The following COL24A1 variants were observed in gnomAD, a reference collection of about 807,000 sequenced individuals.
The protein encoded by COL24A1 is collagen type XXIV alpha 1 chain, also known as collagen alpha-1(XXIV) chain.
Under a neutral mutation model 253.9 loss-of-function variants are expected in COL24A1, and 224 were observed. The ratio of observed to expected loss-of-function variants is 0.88; its 90% confidence interval spans 0.79 to 0.99. The LOEUF is 0.99. COL24A1 is among the 50% of genes least tolerant of loss of function. The probability of loss-of-function intolerance (pLI) is 0.00; values close to 1 mark genes in which losing one functional copy is unlikely to be tolerated. For synonymous variants in COL24A1, 685 were observed against 673.7 expected, an observed-to-expected ratio of 1.02 and a Z score of -0.26; for missense variants, 2,131 against 2,068.5, an observed-to-expected ratio of 1.03 and a Z score of -0.59.
At chr1:85,821,050 T>C (rs1673577530) in intron 45 of COL24A1, among the ~76,000 whole-genome samples, 1 of 152,220 alleles carries the variant, frequency 6.6e-6, no homozygotes, top group African/African-American at 2.4e-5. Flanking sequence ...TTATTCTTTC[T>C]TTTTTCACCA....
chr1:85,965,119 G>C, intron 22 of COL24A1, 57 bp from the exon 23 acceptor site: 3 of 1,364,286 alleles, frequency 2.2e-6, no homozygotes, highest in Middle Eastern at 3.7e-4. Flanking sequence ...TCTCATTTTT[G>C]AAAGTTTCCT....
At chr1:86,040,583 G>A (rs1301319516) in intron 12 of COL24A1, among the ~76,000 whole-genome samples, 2 of 150,460 alleles carry the variant, frequency 1.3e-5, no homozygotes, top group African/African-American at 2.4e-5. Flanking sequence ...GTTCTGCCTG[G>A]ACTTCCTCCA....
intron 47 of COL24A1, among the ~76,000 whole-genome samples, chr1:85,808,280 G>T (rs919169457): frequency 1.3e-5 from 2 of 152,198 alleles, no homozygotes; most frequent in Non-Finnish European, 2.9e-5. Context: ...TTTTACTCAT[G>T]TGTTTGGCTA....
intron 58 of COL24A1, chr1:85,736,332 A>G (rs1436710678): frequency 2.6e-5 from 12 of 456,108 alleles, no homozygotes; most frequent in Non-Finnish European, 5.3e-5. Flanking sequence ...GGTCATGGAA[A>G]CAACTAGAGT....
At chr1:85,783,714 C>A (rs546455663) in intron 50 of COL24A1, among the ~76,000 whole-genome samples, 156 bp from the exon 51 acceptor site, 4 of 152,228 alleles carry the variant, frequency 2.6e-5, no homozygotes, top group African/African-American at 9.6e-5. Flanking sequence ...CTGAGGCCTA[C>A]AATTTACTTA....
At chr1:85,773,353 G>A (rs989255187) in intron 53 of COL24A1, among the ~76,000 whole-genome samples, 21 of 152,126 alleles carry the variant, frequency 1.4e-4, no homozygotes, top group Non-Finnish European at 2.8e-4. Context: ...GGCTATGTGG[G>A]CTCTTTTTTG....
At chr1:86,035,699 C>G (rs1477239836) in intron 12 of COL24A1, among the ~76,000 whole-genome samples, 1 of 152,056 alleles carries the variant, frequency 6.6e-6, no homozygotes, top group African/African-American at 2.4e-5. Context: ...AAATTATATA[C>G]TTTAAAGGTG....
intron 53 of COL24A1, among the ~76,000 whole-genome samples, chr1:85,774,815 A>G (rs1490302397): frequency 6.6e-6 from 1 of 152,144 alleles, no homozygotes; most frequent in African/African-American, 2.4e-5. Context: ...ATCGCTTCAA[A>G]ATACCAGCTC....
chr1:85,866,850 C>A (rs1342573116), intron 37 of COL24A1, among the ~76,000 whole-genome samples: 1 of 152,136 alleles, frequency 6.6e-6, no homozygotes, highest in Admixed American at 6.6e-5. Flanking sequence ...ACACCCATCA[C>A]AGTTCTCCAG....
rs370701120 is a variant in COL24A1 at position 85,978,311 on chromosome 1, C to CA, written c.2365-6919dup. On this transcript the variant is annotated intron_variant, in intron 20 of 59. Transcript: ENST00000370571. ...ATCTCACAGGCCTATAAAACAACAA[C>CA]ACACACACACAAAACCCACAAGATA... is the stretch of plus-strand genomic sequence containing the variant. Among the ~76,000 whole-genome samples, 156 of 151,906 alleles carry CA rather than the reference C, an allele frequency of 1.0e-3. 1 individual carries two copies. The highest frequency in any genetic ancestry group is 3.7e-3 in the African/African-American group (152 of 41,468).
chr1:86,017,295 C>G, intron 18 of COL24A1, 91 bp from the exon 19 acceptor site: 1 of 1,090,698 alleles, frequency 9.2e-7, no homozygotes, highest in Non-Finnish European at 1.3e-6. Flanking sequence ...AAATAGCAGT[C>G]AGTCATTATA....
intron 45 of COL24A1, among the ~76,000 whole-genome samples, chr1:85,818,822 C>T (rs955455642): frequency 6.6e-6 from 1 of 152,180 alleles, no homozygotes; most frequent in African/African-American, 2.4e-5. Flanking sequence ...TTACCAGACA[C>T]ATTTCTCAGA....
At chr1:85,840,101 T>G (rs933140684) in intron 42 of COL24A1, among the ~76,000 whole-genome samples, 2 of 152,176 alleles carry the variant, frequency 1.3e-5, no homozygotes, top group African/African-American at 2.4e-5. Context: ...TTAAGTTTCA[T>G]GCCTGTCCCG....
chr1:86,027,951 C>T (rs919227026), intron 14 of COL24A1, among the ~76,000 whole-genome samples: 59 of 152,222 alleles, frequency 3.9e-4, no homozygotes, highest in African/African-American at 1.4e-3. Flanking sequence ...GGATGTGAGA[C>T]ACGGAGTCAA....
Position 86,125,892 on chromosome 1 carries a change from T to G in COL24A1, c.444A>C (p.Gly148=). The change falls in exon 3 of 60, where the codon GGA becomes GGC. Residue 148 remains glycine (G), a synonymous_variant. Coordinates refer to ENST00000370571, the MANE Select transcript of COL24A1 (RefSeq NM_152890.7). Reference sequence around the variant, plus strand: ...TGTAGTTGAAAACTGCAGGCTGCTTTCCTCTAATGTGTACTACTAATTTTT... The same window carrying G: ...TGTAGTTGAAAACTGCAGGCTGCTTGCCTCTAATGTGTACTACTAATTTTT... ...LPKKLVVHIR[G]KQPAVFNYSV... 6.2e-7 allele frequency: 1 copy of G among 1,613,282 alleles called. No individual in the cohort carries two copies. Among genetic ancestry groups the G allele is most frequent in the Non-Finnish European group, 8.5e-7 (1 of 1,179,702 alleles).
intron 19 of COL24A1, among the ~76,000 whole-genome samples, chr1:86,000,139 A>G (rs183905149): frequency 7.2e-5 from 11 of 152,206 alleles, no homozygotes; most frequent in Non-Finnish European, 1.3e-4. Context: ...TTAATAAACA[A>G]TCTAATTCAA....
chr1:86,012,781 A>G (rs950853515), intron 19 of COL24A1, among the ~76,000 whole-genome samples: 2 of 151,982 alleles, frequency 1.3e-5, no homozygotes, highest in Non-Finnish European at 2.9e-5. Flanking sequence ...ACTTCTCACT[A>G]TCCTCTATGA....
chr1:85,985,872 T>G (rs1426879410), intron 20 of COL24A1, among the ~76,000 whole-genome samples: 2 of 151,788 alleles, frequency 1.3e-5, no homozygotes, highest in Non-Finnish European at 3.0e-5. Flanking sequence ...AGGTGGCAGG[T>G]GGGGTTGCCT....
chr1:86,116,478 T>C (rs1400740847), intron 3 of COL24A1, among the ~76,000 whole-genome samples: 3 of 152,214 alleles, frequency 2.0e-5, no homozygotes, highest in Non-Finnish European at 4.4e-5. Context: ...TACAATTTCA[T>C]AATTTCATAC....
Sources: gnomAD v4.1 joint callset for allele counts (sites outside exome capture counted in the v4.1 genomes callset) on GRCh38, gnomAD v4.1.1 for gene constraint, MANE v1.5 for transcripts, NCBI Gene and HGNC (gene_info 2026-07-23, HGNC 2026-07-21) for gene names.